The following SH3PXD2A variants were observed in gnomAD, a reference collection of about 807,000 sequenced individuals.
SH3PXD2A encodes SH3 and PX domain-containing protein 2A.
A neutral mutation model predicts 115.2 loss-of-function variants in SH3PXD2A; 32 were observed. The ratio of observed to expected loss-of-function variants is 0.28; its 90% confidence interval spans 0.21 to 0.37. The LOEUF (loss-of-function observed/expected upper bound fraction) is 0.37. SH3PXD2A is among the 10% of genes least tolerant of loss of function. SH3PXD2A has a pLI of 1.00. For missense variants in SH3PXD2A, 1,328 were observed against 1,498.7 expected (o/e 0.89, Z 1.88); for synonymous variants, 610 against 629.1 (o/e 0.97, Z 0.45).
At chr10:103,785,832 C>T (rs536514599) in intron 2 of SH3PXD2A, among the ~76,000 whole-genome samples, 25 of 151,632 alleles carry the variant, frequency 1.6e-4, no homozygotes, top group African/African-American at 6.1e-4. Flanking sequence ...TGGGATGCGG[C>T]CGCATCCTGG....
chr10:103,620,506 T>C lies in SH3PXD2A; in HGVS notation c.802+1964A>G, dbSNP rs568127694. On this transcript the variant is annotated intron_variant, in intron 10 of 14. Transcript: ENST00000369774. The surrounding 1 kb of genome is among the most constrained non-coding windows in gnomAD (Gnocchi z 5.3). Reference sequence around the variant, plus strand: ...GGCCTTTTGGTTCCAAGGGCCTGGCTGGCTGAGGGAACGGGGAGCGGAGGC... The same window carrying C: ...GGCCTTTTGGTTCCAAGGGCCTGGCCGGCTGAGGGAACGGGGAGCGGAGGC... Among the ~76,000 whole-genome samples the C allele has an allele frequency of 6.6e-6, 1 of 152,334 alleles. No homozygotes were observed. The highest frequency in any genetic ancestry group is 1.9e-4 in the East Asian group (1 of 5,190).
intron 4 of SH3PXD2A, among the ~76,000 whole-genome samples, chr10:103,727,693 C>T (rs1009621083): frequency 2.0e-5 from 3 of 152,226 alleles, no homozygotes; most frequent in Non-Finnish European, 2.9e-5. Flanking sequence ...GACAGAGACC[C>T]ACATTCCGGA....
chr10:103,630,887 G>A (rs954011762), intron 8 of SH3PXD2A, among the ~76,000 whole-genome samples: 6 of 151,942 alleles, frequency 3.9e-5, no homozygotes, highest in Admixed American at 3.3e-4. Flanking sequence ...ATGAGTTAAC[G>A]AACTTCCTGC....
chr10:103,761,821 C>T (rs541765109), intron 3 of SH3PXD2A, among the ~76,000 whole-genome samples: 1 of 152,274 alleles, frequency 6.6e-6, no homozygotes, highest in South Asian at 2.1e-4. Flanking sequence ...TGTGGCAATT[C>T]CTTCTTGCCC....
rs568731350 is a variant in SH3PXD2A, at chr10:103,693,069, C to T, written c.399-13G>A. 6.2e-7 allele frequency: 1 copy of T among 1,613,258 alleles called. No individual in the cohort carries two copies. Among genetic ancestry groups the T allele is most frequent in the Admixed American group, 1.7e-5 (1 of 59,974 alleles). ...ACTGCCATAGTCCCTGAAAAAGAAG[C>T]AACAACAGATAGACATGGTTAGGGC... is the stretch of plus-strand genomic sequence containing the variant. On this transcript the variant is annotated splice_polypyrimidine_tract_variant and intron_variant, in intron 5 of 14. Transcript: ENST00000369774.
At chr10:103,687,987 T>C (rs1285765365) in intron 6 of SH3PXD2A, among the ~76,000 whole-genome samples, 6 of 152,176 alleles carry the variant, frequency 3.9e-5, no homozygotes, top group Non-Finnish European at 2.9e-5. Context: ...CTTCCCTCCA[T>C]CTAATAGTAC....
At chr10:103,691,659 C>T (rs1019624216) in intron 6 of SH3PXD2A, among the ~76,000 whole-genome samples, 3 of 152,094 alleles carry the variant, frequency 2.0e-5, no homozygotes, top group Non-Finnish European at 4.4e-5. Context: ...AGTGCACACA[C>T]ACCTCATCCC....
In SH3PXD2A at chr10:103,603,646, C is replaced by A. The variant is rs551796306; in HGVS notation, c.1572G>T (p.Pro524=). 6.2e-7 allele frequency: 1 copy of A among 1,603,846 alleles called. No individual in the cohort carries two copies. Among genetic ancestry groups the A allele is most frequent in the Admixed American group, 1.7e-5 (1 of 59,378 alleles). ...CCTTGGGCTTGCTGGGGGGTGCTGG[C>A]GGGGGCACCTTGGGCCGGGTCAGCG... ...TSTLTRPKVP[P]PAPPSKPKEA... is the part of the protein sequence containing the mutation. Residue 524 remains proline, a synonymous_variant, in exon 15 of 15, where the codon CCG becomes CCT. Coordinates refer to ENST00000369774, the MANE Select transcript of SH3PXD2A (RefSeq NM_001394015.1).
chr10:103,763,250 A>C (rs1443037063), intron 3 of SH3PXD2A, among the ~76,000 whole-genome samples: 1 of 152,186 alleles, frequency 6.6e-6, no homozygotes, highest in Non-Finnish European at 1.5e-5. Context: ...CTCAGCCATC[A>C]GCCTGCAGCC....
chr10:103,671,736 G>A (rs2037463114), intron 6 of SH3PXD2A, among the ~76,000 whole-genome samples: 1 of 152,090 alleles, frequency 6.6e-6, no homozygotes, highest in South Asian at 2.1e-4. Context: ...CGGGGAGTTG[G>A]AGAGACAGAG....
chr10:103,611,455 GC>G (rs1438859715), intron 13 of SH3PXD2A, 125 bp downstream of exon 13: 1 of 855,290 alleles, frequency 1.2e-6, no homozygotes, highest in African/African-American at 1.7e-5. Context: ...AAAACTAGAA[GC>G]CCCAGCAGGG....
intron 10 of SH3PXD2A, among the ~76,000 whole-genome samples, chr10:103,622,036 A>C (rs974062356): frequency 1.3e-5 from 2 of 152,190 alleles, no homozygotes; most frequent in Non-Finnish European, 2.9e-5. Context: ...TGATAGAACA[A>C]CTTTGGCCGA....
intron 7 of SH3PXD2A, chr10:103,661,514 C>G: frequency 2.8e-6 from 1 of 354,470 alleles, no homozygotes; most frequent in Non-Finnish European, 4.0e-6. Context: ...GCCTCCCTCT[C>G]GGGCCGGCAG....
intron 3 of SH3PXD2A, among the ~76,000 whole-genome samples, chr10:103,748,757 G>A (rs923947919): frequency 6.6e-6 from 1 of 152,154 alleles, no homozygotes; most frequent in East Asian, 1.9e-4. Context: ...GCATCAGGAC[G>A]CATGCTGGGA....
intron 3 of SH3PXD2A, among the ~76,000 whole-genome samples, chr10:103,753,283 C>T (rs2038599977): frequency 7.5e-6 from 1 of 132,776 alleles, no homozygotes; most frequent in Non-Finnish European, 1.5e-5. Flanking sequence ...AGTTTGAGAC[C>T]AGCCTGGCCA....
intron 11 of SH3PXD2A, among the ~76,000 whole-genome samples, chr10:103,614,948 G>T (rs916894502): frequency 6.6e-6 from 1 of 152,222 alleles, no homozygotes; most frequent in African/African-American, 2.4e-5. Context: ...CGCCTCCCCA[G>T]GGATTGGGAG....
intron 1 of SH3PXD2A, among the ~76,000 whole-genome samples, chr10:103,815,833 G>A (rs1564896283): frequency 1.3e-5 from 2 of 151,220 alleles, no homozygotes; most frequent in South Asian, 2.1e-4. Context: ...AGGTTGTGGT[G>A]AGCTGAGATC....
In SH3PXD2A at chr10:103,685,437, C is replaced by A. The variant is rs568185267; in HGVS notation, c.427+7591G>T. Among the ~76,000 whole-genome samples the A allele has an allele frequency of 3.3e-5, 5 of 151,906 alleles. No individual in the cohort carries two copies. The South Asian group carries it at 1.0e-3, about 32-fold the overall frequency. ...CCTGGTCTATAAAATGGGACAAGAC[C>A]ACCTACCCTGGTTGTTGCAGGGAGG... On this transcript the variant is annotated intron_variant, in intron 6 of 14. Coordinates refer to ENST00000369774, the MANE Select transcript of SH3PXD2A (RefSeq NM_001394015.1).
chr10:103,643,986 CCA>C (rs1433386276), intron 8 of SH3PXD2A, among the ~76,000 whole-genome samples: 1 of 151,876 alleles, frequency 6.6e-6, no homozygotes, highest in Non-Finnish European at 1.5e-5. Context: ...GTGGTGGCCT[CCA>C]CCTGTAGTCC....
Sources: allele counts gnomAD v4.1 joint callset (sites outside exome capture counted in the v4.1 genomes callset), GRCh38; gene constraint gnomAD v4.1.1; non-coding constraint Gnocchi (gnomAD v3.1); transcripts MANE v1.5; gene names NCBI Gene and HGNC (gene_info 2026-07-23, HGNC 2026-07-21).